SCLT1: variants seen among roughly 807,000 people sequenced by gnomAD.
The protein encoded by SCLT1 is sodium channel-associated protein 1.
In SCLT1, 78 loss-of-function variants were observed where a neutral mutation model predicts 112.8. That is an observed-to-expected ratio of 0.69 (90% CI 0.58 to 0.83). The LOEUF (loss-of-function observed/expected upper bound fraction) is 0.83, where lower values mean the gene tolerates loss of function less well. SCLT1 is among the 40% of genes least tolerant of loss of function. SCLT1 has a pLI of 0.00. For synonymous variants in SCLT1, 257 were observed against 254.7 expected, an observed-to-expected ratio of 1.01 and a Z score of -0.09; for missense variants, 747 against 770.4, an observed-to-expected ratio of 0.97 and a Z score of 0.36.
chr4:129,012,786 CTTTT>C (rs33941543), intron 5 of SCLT1, among the ~76,000 whole-genome samples: 1 of 145,812 alleles, frequency 6.9e-6, no homozygotes. Context: ...AATGCCATTT[CTTTT>C]TTTTTTTTGC....
chr4:129,024,638 G>A (rs1167174016), intron 5 of SCLT1, among the ~76,000 whole-genome samples: 1 of 152,242 alleles, frequency 6.6e-6, no homozygotes, highest in Non-Finnish European at 1.5e-5. Flanking sequence ...AAAAAGCAGA[G>A]CGACTCTCCT....
At chr4:128,899,428 A>G (rs1176454337) in intron 18 of SCLT1, among the ~76,000 whole-genome samples, 3 of 152,126 alleles carry the variant, frequency 2.0e-5, no homozygotes, top group East Asian at 3.9e-4. Context: ...AAAAACCATA[A>G]GATTATCTCA....
intron 20 of SCLT1, among the ~76,000 whole-genome samples, chr4:128,886,264 G>C (rs1369801409): frequency 6.6e-6 from 1 of 152,132 alleles, no homozygotes; most frequent in East Asian, 1.9e-4. Context: ...AATCAGAAAA[G>C]CACATTTAGA....
chr4:129,030,556 G>A (rs1013330710), intron 5 of SCLT1, among the ~76,000 whole-genome samples: 4 of 151,884 alleles, frequency 2.6e-5, no homozygotes, highest in African/African-American at 9.7e-5. Context: ...AATATAGACG[G>A]ACCTCTAGCT....
chr4:129,066,113 G>C (rs1176367335), intron 2 of SCLT1, among the ~76,000 whole-genome samples: 1 of 151,952 alleles, frequency 6.6e-6, no homozygotes, highest in Non-Finnish European at 1.5e-5. Context: ...TGCTAGTGAG[G>C]AACTTCTTAA....
rs186852136 is a variant in SCLT1 at position 128,997,510 on chromosome 4, C to A, written c.615+364G>T. 5.7e-3 allele frequency among the ~76,000 whole-genome samples: 861 copies of A among 151,814 alleles called. 7 individuals carry two copies. Among genetic ancestry groups the A allele is most frequent in the Middle Eastern group, 0.034 (10 of 294 alleles). On this transcript the variant is annotated intron_variant, in intron 8 of 20. Coordinates refer to ENST00000281142, the MANE Select transcript of SCLT1 (RefSeq NM_144643.4). ...CCTTAGTTTCCTAAAACTTTTTAGG[C>A]AATGGGCTATTAATTCATTAAACAA...
Position 128,943,151 on chromosome 4 carries a change from G to C in SCLT1, c.1477C>G (p.Gln493Glu). 1 of 1,610,328 alleles carries C rather than the reference G, an allele frequency of 6.2e-7. No individual in the cohort carries two copies. Among genetic ancestry groups the C allele is most frequent in the Non-Finnish European group, 8.5e-7 (1 of 1,178,650 alleles). The change falls in exon 17 of 21, where the codon CAG becomes GAG. Residue 493 changes from glutamine (Q) to glutamate (E), a missense_variant. Physicochemically the swap from Gln to Glu is conservative, Grantham distance 29. Transcript: ENST00000281142. The stretch of plus-strand genomic sequence containing the variant: ...GACTCCAATACATTTTGAAGTTTCT[G>C]AATCATTTCTTGGTAACGTGATATT... ...EEISRYQEMI[Q>E]KLQNVLESER...
At chr4:129,058,599 T>A (rs576382825) in intron 2 of SCLT1, among the ~76,000 whole-genome samples, 4 of 152,330 alleles carry the variant, frequency 2.6e-5, no homozygotes, top group African/African-American at 9.6e-5. Flanking sequence ...TTAATCGTTT[T>A]AATTTTGTTG....
chr4:129,037,143 T>C (rs1560997405), intron 5 of SCLT1: 1 of 149,754 alleles, frequency 6.7e-6, no homozygotes, highest in Non-Finnish European at 1.5e-5. Flanking sequence ...GTGAGAGATT[T>C]ACTTTAAGTT....
chr4:129,021,749 T>C (rs1212272513), intron 5 of SCLT1, among the ~76,000 whole-genome samples: 1 of 152,222 alleles, frequency 6.6e-6, no homozygotes, highest in African/African-American at 2.4e-5. Context: ...TAATCGTTCC[T>C]GCCTGCCGGT....
intron 2 of SCLT1, among the ~76,000 whole-genome samples, chr4:129,070,177 T>C (rs1229402328): frequency 1.3e-5 from 2 of 152,182 alleles, no homozygotes; most frequent in Non-Finnish European, 2.9e-5. Context: ...GTTAAGGATT[T>C]TAGTATCTAT....
intron 18 of SCLT1, among the ~76,000 whole-genome samples, chr4:128,901,741 T>C (rs1009500147): frequency 6.6e-6 from 1 of 152,148 alleles, no homozygotes; most frequent in African/African-American, 2.4e-5. Flanking sequence ...CCATTCATTT[T>C]AATCCAGACA....
At chr4:128,962,684 C>T (rs1463585573) in intron 11 of SCLT1, among the ~76,000 whole-genome samples, 1 of 152,172 alleles carries the variant, frequency 6.6e-6, no homozygotes, top group African/African-American at 2.4e-5. Flanking sequence ...AAGACTCATA[C>T]ACAACTTGTT....
intron 15 of SCLT1, among the ~76,000 whole-genome samples, chr4:128,946,757 T>C (rs1423144270): frequency 1.3e-5 from 2 of 152,166 alleles, no homozygotes; most frequent in Non-Finnish European, 2.9e-5. Flanking sequence ...ATACATGCCA[T>C]GGTGCAATAA....
rs533529824 is a variant in SCLT1 at position 129,003,433 on chromosome 4, T to TA, written c.426+307dup. On this transcript the variant is annotated intron_variant, in intron 6 of 20. Transcript: ENST00000281142. ...TGTATCCTAGAACTTAAAGTATAAT[T>TA]AAAAAAAAAAAAAAGAAAAAGAAAA... Among the ~76,000 whole-genome samples, 291 of 98,552 alleles carry TA rather than the reference T, an allele frequency of 3.0e-3. 1 individual carries two copies. Among genetic ancestry groups the TA allele is most frequent in the Middle Eastern group, 6.0e-3 (1 of 168 alleles). 64.7% of individuals were successfully genotyped at this position (98,552 alleles called of 152,430 possible).
chr4:128,909,479 C>T (rs2125944652), intron 18 of SCLT1, among the ~76,000 whole-genome samples: 1 of 152,284 alleles, frequency 6.6e-6, no homozygotes, highest in South Asian at 2.1e-4. Flanking sequence ...AAACTCCTGG[C>T]TTCAAGTGAT....
Position 129,090,751 on chromosome 4 carries a change from A to G in SCLT1, c.34+2319T>C, listed in dbSNP as rs1485646500. On this transcript the variant is annotated intron_variant, in intron 1 of 20. Transcript: ENST00000281142. The stretch of plus-strand genomic sequence containing the variant: ...GATTGATAATGCAAGTACCTCTTTG[A>G]ACAGGTTCCTAAAAACTAACTGATC... Among the ~76,000 whole-genome samples, 4 of 152,304 alleles carry G rather than the reference A, an allele frequency of 2.6e-5. No homozygotes were observed. In the East Asian group the frequency reaches 7.7e-4, roughly 29 times the overall value.
At chr4:129,078,480 G>A (rs1053682373) in intron 2 of SCLT1, among the ~76,000 whole-genome samples, 1 of 152,020 alleles carries the variant, frequency 6.6e-6, no homozygotes, top group African/African-American at 2.4e-5. Flanking sequence ...CTTAAAGGCT[G>A]TTGGAATATG....
intron 4 of SCLT1, among the ~76,000 whole-genome samples, chr4:129,042,635 CA>C (rs771125506): frequency 1.3e-5 from 2 of 152,188 alleles, no homozygotes; most frequent in Non-Finnish European, 2.9e-5. Context: ...AATTAAAAGA[CA>C]AAACTGAAGA....
Sources: gnomAD v4.1 joint callset for allele counts (sites outside exome capture counted in the v4.1 genomes callset) on GRCh38, gnomAD v4.1.1 for gene constraint, MANE v1.5 for transcripts, NCBI Gene and HGNC (gene_info 2026-07-23, HGNC 2026-07-21) for gene names.